Variants in MDGA2 observed in about 807,000 individuals in gnomAD.
MDGA2 encodes the protein MAM domain-containing glycosylphosphatidylinositol anchor protein 2.
MDGA2 carries 40 observed loss-of-function variants against 117.8 expected under a neutral mutation model. That is an observed-to-expected ratio of 0.34 (90% CI 0.26 to 0.44). The LOEUF (loss-of-function observed/expected upper bound fraction) is 0.44, where lower values mean the gene tolerates loss of function less well. Ranked by LOEUF, MDGA2 falls within the 20% of genes least tolerant of loss-of-function variation. The probability of loss-of-function intolerance (pLI) is 1.00; values close to 1 mark genes in which losing one functional copy is unlikely to be tolerated. For missense variants in MDGA2, 1,123 were observed against 1,250.6 expected (o/e 0.90, Z 1.54); for synonymous variants, 452 against 439.0 (o/e 1.03, Z -0.37).
At chr14:47,450,109 T>A (rs1002901569) in intron 1 of MDGA2, among the ~76,000 whole-genome samples, 9 of 152,110 alleles carry the variant, frequency 5.9e-5, no homozygotes, top group African/African-American at 2.2e-4. Context: ...CATATATTCT[T>A]TTTTCTTAAT....
chr14:47,582,812 C>T (rs1896253748), intron 1 of MDGA2, among the ~76,000 whole-genome samples: 1 of 151,878 alleles, frequency 6.6e-6, no homozygotes, highest in African/African-American at 2.4e-5. Flanking sequence ...TTCATCAGTA[C>T]TCTTTGATGA....
intron 10 of MDGA2, among the ~76,000 whole-genome samples, chr14:46,895,897 C>A: frequency 6.6e-6 from 1 of 152,150 alleles, no homozygotes; most frequent in East Asian, 1.9e-4. Flanking sequence ...CACAGTCTTT[C>A]AACTGAAGTT....
chr14:47,590,527 A>G (rs1896416753), intron 1 of MDGA2, among the ~76,000 whole-genome samples: 1 of 151,916 alleles, frequency 6.6e-6, no homozygotes, highest in Admixed American at 6.6e-5. Flanking sequence ...GTCTGTCTTC[A>G]TTTTATTAAA....
At chr14:47,413,575 G>T (rs1382133872) in intron 1 of MDGA2, among the ~76,000 whole-genome samples, 1 of 151,796 alleles carries the variant, frequency 6.6e-6, no homozygotes, top group Non-Finnish European at 1.5e-5. Flanking sequence ...TAAAATGTCT[G>T]AAATGGACAT....
At chr14:47,226,752 A>G (rs1490349789) in intron 2 of MDGA2, among the ~76,000 whole-genome samples, 1 of 152,128 alleles carries the variant, frequency 6.6e-6, no homozygotes, top group East Asian at 1.9e-4. Flanking sequence ...CCATTATCAG[A>G]ATTCGGTCTC....
rs1480273968 is a variant in MDGA2, at chr14:47,344,708, ATT to A, written c.281-43160_281-43159del. ...AATATTTATTAACCTATATAAAAAT[ATT>A]TTGTTTGTTTCTTTTTTCGCATGTA... On this transcript the variant is annotated intron_variant, in intron 1 of 16. Transcript: ENST00000399232. 5.9e-5 allele frequency among the ~76,000 whole-genome samples: 9 copies of A among 151,968 alleles called. No individual in the cohort carries two copies. In the South Asian group the frequency reaches 1.0e-3, roughly 18 times the overall value.
intron 5 of MDGA2, 40 bp downstream of exon 5, chr14:47,131,674 G>A (rs1436807029): frequency 2.1e-6 from 3 of 1,423,656 alleles, no homozygotes; most frequent in African/African-American, 2.8e-5. Flanking sequence ...AACATTAGTT[G>A]TAGATAAGAT....
At chr14:47,081,456 C>T (rs534641945) in intron 6 of MDGA2, among the ~76,000 whole-genome samples, 94 of 152,214 alleles carry the variant, frequency 6.2e-4, no homozygotes, top group Middle Eastern at 3.4e-3. Context: ...TATAATGCAA[C>T]TTCTAAACAT....
At chr14:46,888,868 A>G (rs964159141) in intron 10 of MDGA2, among the ~76,000 whole-genome samples, 5 of 151,988 alleles carry the variant, frequency 3.3e-5, no homozygotes, top group African/African-American at 1.2e-4. Context: ...ATGTAACTCT[A>G]TAAAAGATTG....
intron 4 of MDGA2, among the ~76,000 whole-genome samples, chr14:47,135,173 ATTACCT>A (rs915662360): frequency 1.3e-5 from 2 of 152,066 alleles, no homozygotes; most frequent in Admixed American, 6.6e-5. Flanking sequence ...AACACTTTAG[ATTACCT>A]TTACTACTGT....
chr14:47,466,265 T>C (rs1045891299), intron 1 of MDGA2, among the ~76,000 whole-genome samples: 14 of 152,020 alleles, frequency 9.2e-5, no homozygotes, highest in Admixed American at 9.2e-4. Flanking sequence ...AATAAACCCA[T>C]GTGACATGAG....
chr14:47,557,623 T>A (rs1895709162), intron 1 of MDGA2, among the ~76,000 whole-genome samples: 1 of 152,036 alleles, frequency 6.6e-6, no homozygotes, highest in African/African-American at 2.4e-5. Flanking sequence ...TGGAGAAAAA[T>A]TTTCACAAAT....
At chr14:47,404,244 G>A (rs1594840437) in intron 1 of MDGA2, among the ~76,000 whole-genome samples, 2 of 151,302 alleles carry the variant, frequency 1.3e-5, no homozygotes, top group East Asian at 3.9e-4. Context: ...GGAGTACAGT[G>A]ATGCAATCTC....
chr14:47,290,117 T>C (rs1228487505), intron 2 of MDGA2, among the ~76,000 whole-genome samples: 1 of 148,486 alleles, frequency 6.7e-6, no homozygotes, highest in Non-Finnish European at 1.5e-5. Flanking sequence ...ACAAGGAAAA[T>C]ATAGCCCTAT....
chr14:47,506,439 T>C (rs1894513691), intron 1 of MDGA2, among the ~76,000 whole-genome samples: 1 of 152,220 alleles, frequency 6.6e-6, no homozygotes, highest in South Asian at 2.1e-4. Flanking sequence ...TGCAAATTTC[T>C]TCTCAGTATT....
intron 8 of MDGA2, among the ~76,000 whole-genome samples, chr14:46,988,356 T>G (rs1458197775): frequency 2.6e-5 from 4 of 152,064 alleles, no homozygotes; most frequent in African/African-American, 9.7e-5. Flanking sequence ...GTAGCATAAT[T>G]TTGATTCGAC....
chr14:47,473,597 C>T (rs901324126), intron 1 of MDGA2, among the ~76,000 whole-genome samples: 1 of 151,354 alleles, frequency 6.6e-6, no homozygotes, highest in Non-Finnish European at 1.5e-5. Flanking sequence ...ACGGGGACTG[C>T]AAAATAAAGA....
Position 46,898,969 on chromosome 14 carries a change from C to G in MDGA2, c.2239-16748G>C, listed in dbSNP as rs7155739. On this transcript the variant is annotated intron_variant, in intron 10 of 16. Transcript: ENST00000399232. ...AACACAAGAAAAACTAACAGAATCT[C>G]TGCCCCTCCCCAAACTCAACCTTGG... Among the ~76,000 whole-genome samples the G allele has an allele frequency of 1.6e-4, 24 of 151,894 alleles. No individual in the cohort carries two copies. In the South Asian group the frequency reaches 4.4e-3, roughly 28 times the overall value.
At chr14:47,261,741 G>C (rs1887803246) in intron 2 of MDGA2, among the ~76,000 whole-genome samples, 1 of 152,102 alleles carries the variant, frequency 6.6e-6, no homozygotes, top group Non-Finnish European at 1.5e-5. Context: ...ACCATGCCCA[G>C]ATGAAAGAAG....
Sources: gnomAD v4.1 joint callset for allele counts (sites outside exome capture counted in the v4.1 genomes callset) on GRCh38, gnomAD v4.1.1 for gene constraint, MANE v1.5 for transcripts, NCBI Gene and HGNC (gene_info 2026-07-23, HGNC 2026-07-21) for gene names.